Variants in MKNK2 observed in about 807,000 individuals in gnomAD.
MKNK2 encodes the protein MAPK interacting serine/threonine kinase 2.
Under a neutral mutation model 55.0 loss-of-function variants are expected in MKNK2, and 54 were observed. That is an observed-to-expected ratio of 0.98 (90% CI 0.79 to 1.23). The LOEUF is 1.23. Ranked by LOEUF, MKNK2 falls within the 50% of genes most tolerant of loss-of-function variation. MKNK2 has a pLI of 0.00. For synonymous variants in MKNK2, 323 were observed against 256.0 expected (o/e 1.26, Z -2.50); for missense variants, 685 against 632.1 (o/e 1.08, Z -0.90).
intron 5 of MKNK2, among the ~76,000 whole-genome samples, chr19:2,044,097 G>A (rs1191690885): frequency 6.6e-6 from 1 of 151,552 alleles, no homozygotes; most frequent in Non-Finnish European, 1.5e-5. Flanking sequence ...CACAGGACGT[G>A]AGGGTTCCCT....
chr19:2,050,962 A>G lies in MKNK2; in HGVS notation c.-96-15T>C, dbSNP rs2017105775. On this transcript the variant is annotated splice_polypyrimidine_tract_variant and intron_variant, in intron 1 of 13. Coordinates refer to ENST00000250896, the MANE Select transcript of MKNK2 (RefSeq NM_199054.3). The stretch of plus-strand genomic sequence containing the variant: ...AGGAGGGGACCCTGCGGGCGGGAGC[A>G]GACAAAGGGAGGGCGGTGAGCGGAG... The G allele has an allele frequency of 6.2e-6, 4 of 646,220 alleles. No individual in the cohort carries two copies. The highest frequency in any genetic ancestry group is 3.6e-5 in the East Asian group (1 of 27,894). 40.0% of individuals were successfully genotyped at this position (646,220 alleles called of 1,614,324 possible).
In MKNK2 at chr19:2,043,112, G is replaced by GCCC; in HGVS notation, c.493+9_493+11dup. The stretch of plus-strand genomic sequence containing the variant: ...GCTCCCTCCCTCCTCACAGCCTGGA[G>GCCC]CCCCCAGGTACCTCCCCGCATCTTC... On this transcript the variant is annotated intron_variant, in intron 7 of 13. Transcript: ENST00000250896. 6.2e-7 allele frequency: 1 copy of GCCC among 1,609,108 alleles called. No homozygotes were observed. Among genetic ancestry groups the GCCC allele is most frequent in the Non-Finnish European group, 8.5e-7 (1 of 1,175,786 alleles).
At chr19:2,048,383 G>C (rs2017044317) in intron 2 of MKNK2, among the ~76,000 whole-genome samples, 1 of 152,204 alleles carries the variant, frequency 6.6e-6, no homozygotes, top group Non-Finnish European at 1.5e-5. Flanking sequence ...GCCCAGCGCA[G>C]GGACTGCCGG....
intron 2 of MKNK2, among the ~76,000 whole-genome samples, chr19:2,049,248 G>A (rs2017062379): frequency 6.6e-6 from 1 of 152,200 alleles, no homozygotes; most frequent in East Asian, 1.9e-4. Flanking sequence ...TCCCATCTGC[G>A]AACGGAAAGA....
In MKNK2 at chr19:2,038,346, C is replaced by T; in HGVS notation, c.*1267G>A. 2.0e-6 allele frequency: 2 copies of T among 986,576 alleles called. No individual in the cohort carries two copies. The highest frequency in any genetic ancestry group is 4.7e-5 in the South Asian group (1 of 21,474). 61.1% of individuals were successfully genotyped at this position (986,576 alleles called of 1,614,324 possible). A position where few individuals can be genotyped will look rare whatever the true frequency, so the allele number is the denominator to read the frequency against. On this transcript the variant is annotated 3_prime_UTR_variant, in exon 14 of 14. Transcript: ENST00000250896. ...CTGCCCCAGCTGTGGAGCTCGGGGG[C>T]TGCGCCGGGAAGGGCGGGCGGTGAC...
chr19:2,047,035 A>G (rs1458677105), intron 2 of MKNK2, among the ~76,000 whole-genome samples: 3 of 152,140 alleles, frequency 2.0e-5, no homozygotes, highest in Non-Finnish European at 4.4e-5. Flanking sequence ...CCTGGCCTCA[A>G]GCGATCCTCC....
intron 6 of MKNK2, 37 bp downstream of exon 6, chr19:2,043,466 G>A: frequency 6.3e-7 from 1 of 1,583,710 alleles, no homozygotes; most frequent in South Asian, 1.1e-5. Context: ...CTGAAAGACA[G>A]CTCAGGCCAG....
rs1172143535 is a variant in MKNK2 at position 2,041,157 on chromosome 19, G to A, written c.993C>T (p.Asp331=). The A allele has an allele frequency of 6.2e-7, 1 of 1,614,014 alleles. No individual in the cohort carries two copies. The highest frequency in any genetic ancestry group is 1.1e-5 in the South Asian group (1 of 91,080). Residue 331 remains aspartate, a synonymous_variant, in exon 12 of 14, where the codon GAC becomes GAT. Transcript: ENST00000250896. ...CGCAGGAGATGTGGGCCCAGTCCTTGTCGGGGAACTCGTACTTGCCCTCCT... is the reference window on the plus strand; with the variant it reads ...CGCAGGAGATGTGGGCCCAGTCCTTATCGGGGAACTCGTACTTGCCCTCCT... ...SIQEGKYEFP[D]KDWAHISCAA... is the part of the protein sequence containing the mutation.
In MKNK2 at chr19:2,039,842, T is replaced by C; in HGVS notation, c.1169A>G (p.Lys390Arg). The C allele has an allele frequency of 6.3e-7, 1 of 1,595,822 alleles. No individual in the cohort carries two copies. Residue 390 changes from lysine (K) to arginine (R), a missense_variant, in exon 14 of 14, where the codon AAA becomes AGA. Lys to Arg is a conservative substitution (Grantham distance 26). Coordinates refer to ENST00000250896, the MANE Select transcript of MKNK2 (RefSeq NM_199054.3). ...PMVLQRNSCA[K>R]DLTSFAAEAI... ...CTCAGCCGCGAAGGACGTGAGGTCTTTGGCACAGCTGTTCCTGGGAAACGG... is the reference window on the plus strand; with the variant it reads ...CTCAGCCGCGAAGGACGTGAGGTCTCTGGCACAGCTGTTCCTGGGAAACGG...
chr19:2,041,451 G>A (rs1436292278), intron 11 of MKNK2, among the ~76,000 whole-genome samples: 3 of 152,134 alleles, frequency 2.0e-5, no homozygotes, highest in Non-Finnish European at 4.4e-5. Context: ...TGAGCCTTAA[G>A]CCGCGGGCAG....
At position 2,042,667 on chromosome 19, in the gene MKNK2, G is replaced by C. The variant is rs963639360; in HGVS notation, c.599-5C>G. Reference sequence around the variant, plus strand: ...TTAGGTCCCTGTGGGCGATGCCTGGGGGAGAAGCCACAGAACCACGACGGG... The same window carrying C: ...TTAGGTCCCTGTGGGCGATGCCTGGCGGAGAAGCCACAGAACCACGACGGG... On this transcript the variant is annotated splice_polypyrimidine_tract_variant and splice_region_variant and intron_variant, in intron 8 of 13. Coordinates refer to ENST00000250896, the MANE Select transcript of MKNK2 (RefSeq NM_199054.3). The C allele has an allele frequency of 1.3e-6, 2 of 1,560,590 alleles. No homozygotes were observed. Among genetic ancestry groups the C allele is most frequent in the Non-Finnish European group, 1.7e-6 (2 of 1,151,590 alleles).
chr19:2,050,123 C>G (rs558734708), intron 2 of MKNK2, among the ~76,000 whole-genome samples: 2 of 152,308 alleles, frequency 1.3e-5, no homozygotes, highest in South Asian at 4.1e-4. Flanking sequence ...CCTCCCCTTC[C>G]CCCCCAAGAT....
intron 2 of MKNK2, among the ~76,000 whole-genome samples, chr19:2,049,876 G>A (rs1297225591): frequency 1.3e-5 from 2 of 152,112 alleles, no homozygotes; most frequent in Non-Finnish European, 2.9e-5. Context: ...TCCCACCCTG[G>A]AGCACCGCGT....
rs756207202 is a variant in MKNK2 at position 2,041,146 on chromosome 19, G to A, written c.1004C>T (p.Ala335Val). ...GKYEFPDKDWAHISCAAKDLI... is the reference protein window; with the variant it reads ...GKYEFPDKDWVHISCAAKDLI... The stretch of plus-strand genomic sequence containing the variant: ...GTCTTTGGCAGCGCAGGAGATGTGG[G>A]CCCAGTCCTTGTCGGGGAACTCGTA... The change falls in exon 12 of 14, where the codon GCC becomes GTC. Residue 335 changes from alanine to valine, a missense_variant. By Grantham distance (64) the Ala-to-Val change is moderately conservative (BLOSUM62 0). Coordinates refer to ENST00000250896, the MANE Select transcript of MKNK2 (RefSeq NM_199054.3). The A allele has an allele frequency of 2.5e-6, 4 of 1,613,972 alleles. No homozygotes were observed. Among genetic ancestry groups the A allele is most frequent in the Admixed American group, 1.7e-5 (1 of 60,012 alleles).
Position 2,040,116 on chromosome 19 carries a change from C to T in MKNK2, c.1154+18G>A. The T allele has an allele frequency of 6.3e-7, 1 of 1,582,368 alleles. No homozygotes were observed. The highest frequency in any genetic ancestry group is 8.6e-7 in the Non-Finnish European group (1 of 1,164,750). ...GCCCCCTGGACTCAGGGGTCCCGAG[C>T]ACCCCTGCGGGCCTTACCTCTGCAG... On this transcript the variant is annotated intron_variant, in intron 13 of 13. Transcript: ENST00000250896.
intron 13 of MKNK2, 55 bp downstream of exon 13, chr19:2,040,079 C>T (rs1281759912): frequency 1.3e-6 from 2 of 1,538,952 alleles, no homozygotes; most frequent in African/African-American, 1.4e-5. Flanking sequence ...AATGTCTTAA[C>T]CTGGAAACCC....
chr19:2,050,729 G>GCCCCGCGCC (rs1321952473), intron 2 of MKNK2, 72 bp downstream of exon 2: 2 of 1,420,826 alleles, frequency 1.4e-6, no homozygotes, highest in Non-Finnish European at 1.9e-6. Flanking sequence ...TTAGGGGCGG[G>GCCCCGCGCC]CCCCGCGCCC....
intron 13 of MKNK2, 35 bp downstream of exon 13, chr19:2,040,099 G>A: frequency 6.4e-7 from 1 of 1,568,086 alleles, no homozygotes; most frequent in African/African-American, 1.3e-5. Context: ...CCGCCCCCTG[G>A]ACTCAGGGGT....
rs747371935 is a variant in MKNK2, at chr19:2,039,829, G to A, written c.1182C>T (p.Ser394=). ...QRNSCAKDLT[S]FAAEAIAMNR... is the part of the protein sequence containing the mutation. ...TCATGGCAATGGCCTCAGCCGCGAA[G>A]GACGTGAGGTCTTTGGCACAGCTGT... The change falls in exon 14 of 14, where the codon TCC becomes TCT. Residue 394 remains serine, a synonymous_variant. Transcript: ENST00000250896. 8 of 1,600,482 alleles carry A rather than the reference G, an allele frequency of 5.0e-6. No individual in the cohort carries two copies. The highest frequency in any genetic ancestry group is 2.7e-5 in the African/African-American group (2 of 74,872).
Sources: allele counts gnomAD v4.1 joint callset (sites outside exome capture counted in the v4.1 genomes callset), GRCh38; gene constraint gnomAD v4.1.1; transcripts MANE v1.5; gene names NCBI Gene and HGNC (gene_info 2026-07-23, HGNC 2026-07-21).